CDH4: variants seen among roughly 807,000 people sequenced by gnomAD.
CDH4 encodes cadherin-4.
In CDH4, 33 loss-of-function variants were observed where a neutral mutation model predicts 86.0. The ratio of observed to expected loss-of-function variants is 0.38; its 90% confidence interval spans 0.29 to 0.51. CDH4 has a LOEUF of 0.51. Among genes scored for constraint, CDH4 ranks in the 20% least tolerant of loss-of-function variants. The pLI is 0.86. For missense variants in CDH4, 1,114 were observed against 1,307.4 expected (o/e 0.85, Z 2.28); for synonymous variants, 555 against 549.4 (o/e 1.01, Z -0.14).
chr20:61,927,793 GA>G (rs1275017150), intron 11 of CDH4, among the ~76,000 whole-genome samples: 2 of 152,238 alleles, frequency 1.3e-5, no homozygotes, highest in Non-Finnish European at 2.9e-5. Context: ...GTTTCCACGT[GA>G]ATGCCACACC....
intron 2 of CDH4, among the ~76,000 whole-genome samples, chr20:61,272,192 T>C (rs1415118311): frequency 6.6e-6 from 1 of 152,170 alleles, no homozygotes; most frequent in Non-Finnish European, 1.5e-5. Context: ...GCCCCATTGT[T>C]GGATTCTAAA....
chr20:61,685,027 T>C (rs1442352375), intron 2 of CDH4, among the ~76,000 whole-genome samples: 1 of 152,160 alleles, frequency 6.6e-6, no homozygotes, highest in African/African-American at 2.4e-5. Flanking sequence ...TGTCATCTAA[T>C]TGTGCAACTT....
At chr20:61,449,980 C>CT (rs1453939890) in intron 2 of CDH4, among the ~76,000 whole-genome samples, 1 of 152,224 alleles carries the variant, frequency 6.6e-6, no homozygotes, top group East Asian at 1.9e-4. Flanking sequence ...AGCGAGAACT[C>CT]TGTGTTCCCT....
chr20:61,484,119 C>A (rs550637538), intron 2 of CDH4, among the ~76,000 whole-genome samples: 13 of 152,200 alleles, frequency 8.5e-5, no homozygotes, highest in Admixed American at 5.9e-4. Context: ...CTTCAGCAGA[C>A]CCTACTCACC....
Position 61,381,845 on chromosome 20 carries a change from C to G in CDH4, c.169+126908C>G, listed in dbSNP as rs561412478. The stretch of plus-strand genomic sequence containing the variant: ...AATCCTAGCACTTTGAGAAGCTGGG[C>G]GGGTGGATCACCTGAGCTCAGGAGT... On this transcript the variant is annotated intron_variant, in intron 2 of 15. Transcript: ENST00000614565. Among the ~76,000 whole-genome samples the G allele has an allele frequency of 4.6e-3, 705 of 152,224 alleles. 6 individuals carry two copies. Among genetic ancestry groups the G allele is most frequent in the South Asian group, 0.026 (126 of 4,820 alleles).
intron 2 of CDH4, among the ~76,000 whole-genome samples, chr20:61,729,252 C>T (rs530234955): frequency 3.3e-5 from 5 of 152,292 alleles, no homozygotes; most frequent in East Asian, 1.9e-4. Flanking sequence ...ACTTCATTAG[C>T]GACATCGCCC....
At chr20:61,492,458 T>A (rs1169435680) in intron 2 of CDH4, among the ~76,000 whole-genome samples, 1 of 152,182 alleles carries the variant, frequency 6.6e-6, no homozygotes, top group Non-Finnish European at 1.5e-5. Flanking sequence ...ATATTGTTGA[T>A]GTTGGTGATG....
At chr20:61,668,564 C>T (rs1050576689) in intron 2 of CDH4, among the ~76,000 whole-genome samples, 2 of 152,210 alleles carry the variant, frequency 1.3e-5, no homozygotes, top group Non-Finnish European at 2.9e-5. Context: ...CTGCCAGCAC[C>T]TGCTGGCCAC....
chr20:61,458,978 G>A (rs2085426292), intron 2 of CDH4, among the ~76,000 whole-genome samples: 1 of 148,754 alleles, frequency 6.7e-6, no homozygotes, highest in Non-Finnish European at 1.5e-5. Context: ...TTTCCTTCTG[G>A]AGCCTGGCAA....
chr20:61,460,995 C>T (rs2085438813), intron 2 of CDH4, among the ~76,000 whole-genome samples: 1 of 152,148 alleles, frequency 6.6e-6, no homozygotes. Context: ...GTATCCTGCT[C>T]CCATCTAAGC....
intron 6 of CDH4, among the ~76,000 whole-genome samples, chr20:61,872,232 G>A (rs1325560737): frequency 1.3e-5 from 2 of 152,190 alleles, no homozygotes; most frequent in Non-Finnish European, 2.9e-5. Flanking sequence ...CCGCCCTTGT[G>A]GTGGCTGTAA....
chr20:61,895,417 TC>T (rs1416820446), intron 8 of CDH4, among the ~76,000 whole-genome samples: 1 of 151,850 alleles, frequency 6.6e-6, no homozygotes, highest in Admixed American at 6.5e-5. Context: ...GCATGGCGGG[TC>T]CATCCCTGTG....
At chr20:61,630,070 A>G (rs1600821266) in intron 2 of CDH4, among the ~76,000 whole-genome samples, 1 of 152,180 alleles carries the variant, frequency 6.6e-6, no homozygotes, top group Non-Finnish European at 1.5e-5. Context: ...CAGAGGCAGC[A>G]TCAGCCCCAG....
chr20:61,493,520 C>T (rs1015999783), intron 2 of CDH4, among the ~76,000 whole-genome samples: 2 of 152,238 alleles, frequency 1.3e-5, no homozygotes, highest in African/African-American at 2.4e-5. Context: ...GGCTACAACC[C>T]GTGTGCCATT....
intron 2 of CDH4, among the ~76,000 whole-genome samples, chr20:61,645,441 A>G (rs951691239): frequency 6.6e-6 from 1 of 152,222 alleles, no homozygotes; most frequent in African/African-American, 2.4e-5. Flanking sequence ...AGCTGAGGCA[A>G]CACAGTAAGA....
intron 2 of CDH4, among the ~76,000 whole-genome samples, chr20:61,362,851 G>A (rs542525858): frequency 1.3e-5 from 2 of 152,194 alleles, no homozygotes; most frequent in Non-Finnish European, 2.9e-5. Flanking sequence ...CAAGGGTCCA[G>A]CAACGTGCAT....
At chr20:61,837,546 C>T (rs1024330028) in intron 4 of CDH4, among the ~76,000 whole-genome samples, 1 of 152,104 alleles carries the variant, frequency 6.6e-6, no homozygotes, top group Non-Finnish European at 1.5e-5. Context: ...AGATTTTTTT[C>T]AATGGTCCCT....
chr20:61,923,774 A>AG (rs1555859806), intron 10 of CDH4, 70 bp downstream of exon 10: 2 of 1,535,204 alleles, frequency 1.3e-6, no homozygotes, highest in African/African-American at 2.7e-5. Flanking sequence ...GTCCAGAAAT[A>AG]CCCCATGAAA....
intron 2 of CDH4, among the ~76,000 whole-genome samples, chr20:61,539,700 G>A (rs913284677): frequency 2.0e-5 from 3 of 152,204 alleles, no homozygotes; most frequent in Admixed American, 6.5e-5. Context: ...CTGGGCAGTG[G>A]TCCGCCAAGC....
Sources: gnomAD v4.1 joint callset for allele counts (sites outside exome capture counted in the v4.1 genomes callset) on GRCh38, gnomAD v4.1.1 for gene constraint, MANE v1.5 for transcripts, NCBI Gene and HGNC (gene_info 2026-07-23, HGNC 2026-07-21) for gene names.